RASEF: variants seen among roughly 807,000 people sequenced by gnomAD.
The protein encoded by RASEF is ras and EF-hand domain-containing protein.
Under a neutral mutation model 90.1 loss-of-function variants are expected in RASEF, and 68 were observed. The observed-to-expected ratio is 0.75, with a 90% CI of 0.62 to 0.92. The LOEUF (loss-of-function observed/expected upper bound fraction) is 0.92, where lower values mean the gene tolerates loss of function less well. RASEF is among the 40% of genes least tolerant of loss of function. The pLI is 0.00. For missense variants in RASEF, 949 were observed against 937.2 expected, an observed-to-expected ratio of 1.01 and a Z score of -0.16; for synonymous variants, 331 against 345.2, an observed-to-expected ratio of 0.96 and a Z score of 0.46.
chr9:83,022,594 C>T (rs867141184), intron 2 of RASEF, among the ~76,000 whole-genome samples, 168 bp from the exon 3 acceptor site: 3 of 152,120 alleles, frequency 2.0e-5, no homozygotes, highest in Non-Finnish European at 4.4e-5. Flanking sequence ...ATTGGCAATT[C>T]GACCATTTTG....
intron 4 of RASEF, among the ~76,000 whole-genome samples, chr9:83,013,408 C>T (rs1190057747): frequency 6.6e-6 from 1 of 152,166 alleles, no homozygotes; most frequent in Non-Finnish European, 1.5e-5. Context: ...TACATAACAA[C>T]GTCATGACTG....
At chr9:83,063,953 C>G (rs1365240257), upstream of RASEF, among the ~76,000 whole-genome samples, 1 of 152,136 alleles carries the variant, frequency 6.6e-6, no homozygotes, top group Non-Finnish European at 1.5e-5. Context: ...GTAACCGTGC[C>G]TTTAGGCGAT....
upstream of RASEF, among the ~76,000 whole-genome samples, chr9:83,063,810 T>C (rs1830257736): frequency 6.6e-6 from 1 of 152,208 alleles, no homozygotes; most frequent in South Asian, 2.1e-4. Flanking sequence ...TTTTAAACAC[T>C]TTTTTCGACA....
At chr9:83,115,895 G>A in the RASEF span, among the ~76,000 whole-genome samples, 1 of 151,240 alleles carries the variant, frequency 6.6e-6, no homozygotes. Flanking sequence ...AAAAAAAAAA[G>A]CTACAACTAT....
At chr9:83,080,235 A>T in the RASEF span, among the ~76,000 whole-genome samples, 49 of 152,334 alleles carry the variant, frequency 3.2e-4, no homozygotes, top group African/African-American at 1.1e-3. Context: ...AGTGATAGAA[A>T]TGAGGGGAAG....
At chr9:83,044,700 T>C (rs954675703) in intron 1 of RASEF, among the ~76,000 whole-genome samples, 2 of 152,180 alleles carry the variant, frequency 1.3e-5, no homozygotes, top group East Asian at 1.9e-4. Flanking sequence ...CTGAGAATAT[T>C]TGAAAAACTT....
chr9:83,137,728 T>G, the RASEF span, among the ~76,000 whole-genome samples: 1 of 150,716 alleles, frequency 6.6e-6, no homozygotes. Context: ...TAGGCAGAGA[T>G]GGGAGACTGG....
chr9:83,100,552 G>T, the RASEF span, among the ~76,000 whole-genome samples: 1 of 152,154 alleles, frequency 6.6e-6, no homozygotes, highest in African/African-American at 2.4e-5. Context: ...CCATCTCATT[G>T]TCATATCATT....
At chr9:83,151,167 A>C in the RASEF span, among the ~76,000 whole-genome samples, 2 of 152,046 alleles carry the variant, frequency 1.3e-5, no homozygotes, top group African/African-American at 4.8e-5. Context: ...GCGCATAATG[A>C]TAATAAAAAC....
In RASEF at chr9:83,011,567, A is replaced by C. The variant is rs566676174; in HGVS notation, c.843+867T>G. 8.3e-4 allele frequency among the ~76,000 whole-genome samples: 125 copies of C among 150,636 alleles called. 2 individuals are homozygous for C. The highest frequency in any genetic ancestry group is 2.7e-3 in the African/African-American group (111 of 41,066). ...CTCCATCTCAAAAAAAAAAAAAAAA[A>C]AAAAAAAAACTGAAATTTTATAGAC... On this transcript the variant is annotated intron_variant, in intron 5 of 16. Coordinates refer to ENST00000376447, the MANE Select transcript of RASEF (RefSeq NM_152573.4).
chr9:83,216,502 G>T, the RASEF span, among the ~76,000 whole-genome samples: 2 of 152,152 alleles, frequency 1.3e-5, no homozygotes, highest in Non-Finnish European at 2.9e-5. Flanking sequence ...TTGAGCCTGC[G>T]GGTACACAAA....
the RASEF span, among the ~76,000 whole-genome samples, chr9:83,119,705 C>T: frequency 6.6e-6 from 1 of 152,092 alleles, no homozygotes; most frequent in Non-Finnish European, 1.5e-5. Context: ...TTTGTAGCTC[C>T]CATAATTCCC....
chr9:83,119,102 G>A, the RASEF span, among the ~76,000 whole-genome samples: 1 of 150,532 alleles, frequency 6.6e-6, no homozygotes, highest in African/African-American at 2.4e-5. Context: ...CCACCTCCCA[G>A]GTTCAAGTGA....
chr9:83,025,266 C>T lies in RASEF; in HGVS notation c.578+509G>A, dbSNP rs182008126. ...GAGAGTAGAGAGAGTCAAAGCAGCA[C>T]TGCTGAGCACCCACCATGTGGTGGG... On this transcript the variant is annotated intron_variant, in intron 2 of 16. Coordinates refer to ENST00000376447, the MANE Select transcript of RASEF (RefSeq NM_152573.4). 2.6e-5 allele frequency among the ~76,000 whole-genome samples: 4 copies of T among 152,292 alleles called. No homozygotes were observed. In the East Asian group the frequency reaches 7.7e-4, roughly 29 times the overall value.
At chr9:83,201,335 G>C in the RASEF span, 1 of 152,192 alleles carries the variant, frequency 6.6e-6, no homozygotes, top group African/African-American at 2.4e-5. Context: ...CTTAGCAGTG[G>C]GGAAAGCATA....
chr9:83,127,904 T>A, the RASEF span, among the ~76,000 whole-genome samples: 1 of 152,186 alleles, frequency 6.6e-6, no homozygotes, highest in East Asian at 1.9e-4. Flanking sequence ...ATGGACAATA[T>A]TTCCCGTGAT....
intron 1 of RASEF, among the ~76,000 whole-genome samples, chr9:83,061,181 G>C (rs1035152645): frequency 6.6e-6 from 1 of 152,114 alleles, no homozygotes; most frequent in Non-Finnish European, 1.5e-5. Flanking sequence ...CCCTGGTTGG[G>C]GAGTAACTCA....
At chr9:83,032,119 C>T (rs533924762) in intron 1 of RASEF, among the ~76,000 whole-genome samples, 3 of 152,242 alleles carry the variant, frequency 2.0e-5, no homozygotes, top group South Asian at 4.1e-4. Flanking sequence ...ATAAACTTGG[C>T]ACCATTACTT....
the RASEF span, among the ~76,000 whole-genome samples, chr9:83,148,845 A>T: frequency 7.4e-4 from 113 of 152,340 alleles, 1 homozygote; most frequent in African/African-American, 2.6e-3. Context: ...CGAGAAAACC[A>T]TTCAAATCCA....
Sources: allele counts gnomAD v4.1 joint callset (sites outside exome capture counted in the v4.1 genomes callset), GRCh38; gene constraint gnomAD v4.1.1; transcripts MANE v1.5; gene names NCBI Gene and HGNC (gene_info 2026-07-23, HGNC 2026-07-21).